The following CEP112 variants were observed in gnomAD, a reference collection of about 807,000 sequenced individuals.
The protein encoded by CEP112 is centrosomal protein 112.
CEP112 carries 127 observed loss-of-function variants against 153.0 expected under a neutral mutation model. That is an observed-to-expected ratio of 0.83 (90% confidence interval 0.72 to 0.96). The LOEUF (loss-of-function observed/expected upper bound fraction) is 0.96. CEP112 is among the 40% of genes least tolerant of loss of function. CEP112 has a pLI of 0.00. For missense variants in CEP112, 1,089 were observed against 1,101.2 expected (o/e 0.99, Z 0.16); for synonymous variants, 358 against 374.4 (o/e 0.96, Z 0.51).
At chr17:66,074,873 G>GAAAAAAAAAA (rs1242846957) in intron 8 of CEP112, among the ~76,000 whole-genome samples, 1 of 91,274 alleles carries the variant, frequency 1.1e-5, no homozygotes, top group Non-Finnish European at 2.3e-5. Flanking sequence ...AAAAAAAAAA[G>GAAAAAAAAAA]AAAAAAAAAA....
intron 4 of CEP112, among the ~76,000 whole-genome samples, chr17:66,141,480 T>C (rs1234322130): frequency 6.6e-6 from 1 of 152,198 alleles, no homozygotes; most frequent in Non-Finnish European, 1.5e-5. Context: ...ATTGCAGCTA[T>C]AATCACAGTG....
chr17:66,146,746 C>T (rs936150145), intron 4 of CEP112, among the ~76,000 whole-genome samples: 2 of 152,104 alleles, frequency 1.3e-5, no homozygotes, highest in Admixed American at 6.6e-5. Context: ...TTAGAGACCT[C>T]ATATAAGTTA....
intron 21 of CEP112, among the ~76,000 whole-genome samples, chr17:65,838,495 G>T (rs2057403031): frequency 6.6e-6 from 1 of 151,878 alleles, no homozygotes; most frequent in African/African-American, 2.4e-5. Flanking sequence ...ATGAGATACA[G>T]GAAAATCAGT....
intron 18 of CEP112, among the ~76,000 whole-genome samples, chr17:65,937,760 AG>A (rs1293410321): frequency 0.17 from 22 of 128 alleles, 7 homozygotes; most frequent in African/African-American, 0.3. Flanking sequence ...TCAGCCCCCC[AG>A]CCCAGCCAGC....
intron 1 of CEP112, among the ~76,000 whole-genome samples, chr17:66,184,344 G>C (rs949090423): frequency 5.3e-5 from 8 of 152,054 alleles, no homozygotes; most frequent in African/African-American, 1.7e-4. Context: ...GAGAAGATAA[G>C]CCACAGACCA....
intron 8 of CEP112, among the ~76,000 whole-genome samples, chr17:66,077,719 GAA>G (rs2067555647): frequency 6.6e-6 from 1 of 152,132 alleles, no homozygotes; most frequent in Admixed American, 6.6e-5. Flanking sequence ...GAACACTTGG[GAA>G]ATTAATCACA....
At chr17:65,951,737 T>TACCGCG (rs2061835392) in intron 18 of CEP112, among the ~76,000 whole-genome samples, 2 of 96,924 alleles carry the variant, frequency 2.1e-5, no homozygotes, top group South Asian at 5.1e-4. Context: ...GCTCTAATCT[T>TACCGCG]CCCCCGCCCC....
chr17:66,078,311 T>C (rs1330731215), intron 8 of CEP112, among the ~76,000 whole-genome samples: 1 of 150,312 alleles, frequency 6.7e-6, no homozygotes, highest in African/African-American at 2.5e-5. Context: ...CATGCTGAAG[T>C]GCAGTGACAC....
intron 9 of CEP112, among the ~76,000 whole-genome samples, chr17:66,069,454 A>C (rs1438578545): frequency 1.3e-5 from 2 of 152,136 alleles, no homozygotes; most frequent in Admixed American, 1.3e-4. Context: ...TTGAAAAACA[A>C]GCCTTTATTG....
chr17:65,636,911 A>G (rs2044800456), intron 26 of CEP112: 8 of 528,078 alleles, frequency 1.5e-5, no homozygotes, highest in Admixed American at 3.3e-5. Context: ...TGTGCCCGGC[A>G]GATTCTCTCA....
At chr17:65,924,053 T>C (rs1291452839) in intron 19 of CEP112, among the ~76,000 whole-genome samples, 1 of 152,174 alleles carries the variant, frequency 6.6e-6, no homozygotes, top group Non-Finnish European at 1.5e-5. Flanking sequence ...TTTGGCTCAC[T>C]GCAGACTCCA....
Position 66,176,835 on chromosome 17 carries a change from A to G in CEP112, c.292T>C (p.Tyr98His), listed in dbSNP as rs1428447253. ...EPGTLKILPSYMSIYFDEPNP... is the reference protein window; with the variant it reads ...EPGTLKILPSHMSIYFDEPNP... ...TTTTGTTCATTGATACCTACCATGT[A>G]TGAAGGTAGAATTTTTAGTGTCCCG... Residue 98 changes from tyrosine (Y) to histidine (H), a missense_variant, in exon 3 of 27, where the codon TAC becomes CAC. Tyr to His is a moderately conservative substitution (Grantham distance 83). Transcript: ENST00000535342. The G allele has an allele frequency of 6.2e-7, 1 of 1,604,334 alleles. No individual in the cohort carries two copies. The highest frequency in any genetic ancestry group is 8.5e-7 in the Non-Finnish European group (1 of 1,175,976).
intron 23 of CEP112, among the ~76,000 whole-genome samples, chr17:65,710,225 C>T (rs528210849): frequency 1.2e-4 from 19 of 152,180 alleles, no homozygotes; most frequent in Non-Finnish European, 2.4e-4. Context: ...ATTAAGGACA[C>T]GGGCTACTGA....
chr17:66,104,399 G>T (rs2068692635), intron 6 of CEP112, among the ~76,000 whole-genome samples: 1 of 152,152 alleles, frequency 6.6e-6, no homozygotes, highest in Non-Finnish European at 1.5e-5. Flanking sequence ...TACCTTGAAA[G>T]AAAGGACCCA....
intron 23 of CEP112, among the ~76,000 whole-genome samples, chr17:65,714,062 C>A (rs996308330): frequency 6.6e-6 from 1 of 152,120 alleles, no homozygotes; most frequent in South Asian, 2.1e-4. Flanking sequence ...CTTGAATATG[C>A]CCCTTGCCTA....
chr17:66,171,095 A>T (rs1219837877), intron 4 of CEP112, among the ~76,000 whole-genome samples: 1 of 152,204 alleles, frequency 6.6e-6, no homozygotes, highest in East Asian at 1.9e-4. Flanking sequence ...TATATACCAT[A>T]TCCTACAGGA....
chr17:65,821,352 T>C (rs1408426637), intron 21 of CEP112, among the ~76,000 whole-genome samples: 1 of 150,242 alleles, frequency 6.7e-6, no homozygotes, highest in East Asian at 1.9e-4. Context: ...GTTCAAAATA[T>C]ACTCTACTGA....
intron 17 of CEP112, among the ~76,000 whole-genome samples, chr17:65,976,735 C>A (rs372255130): frequency 1.2e-5 from 1 of 85,358 alleles, no homozygotes. Flanking sequence ...ATAACTTTTT[C>A]TTTTTTTTTT....
intron 21 of CEP112, among the ~76,000 whole-genome samples, chr17:65,804,074 C>T (rs2055441019): frequency 1.3e-5 from 2 of 152,054 alleles, no homozygotes; most frequent in African/African-American, 4.8e-5. Flanking sequence ...TTAAATGAAA[C>T]CTCATCCAGA....
Sources: allele counts gnomAD v4.1 joint callset (sites outside exome capture counted in the v4.1 genomes callset), GRCh38; gene constraint gnomAD v4.1.1; transcripts MANE v1.5; gene names NCBI Gene and HGNC (gene_info 2026-07-23, HGNC 2026-07-21).